BACH2: variants seen among roughly 807,000 people sequenced by gnomAD.
BACH2 encodes transcription regulator protein BACH2.
BACH2 carries 5 observed loss-of-function variants against 61.8 expected under a neutral mutation model. The observed-to-expected ratio is 0.08, with a 90% CI of 0.04 to 0.17. BACH2 has a LOEUF of 0.17. Among genes scored for constraint, BACH2 ranks in the 10% least tolerant of loss-of-function variants. The pLI, the probability that BACH2 is intolerant of heterozygous loss-of-function variation, is 1.00. For missense variants in BACH2, 824 were observed against 1,091.1 expected (o/e 0.76, Z 3.45); for synonymous variants, 446 against 440.1 (o/e 1.01, Z -0.17).
intron 4 of BACH2, among the ~76,000 whole-genome samples, chr6:90,134,624 T>C (rs1024785908): frequency 1.3e-5 from 2 of 152,194 alleles, no homozygotes; most frequent in African/African-American, 4.8e-5. Context: ...CATAGAATAA[T>C]CTGAATGGTG....
chr6:90,070,463 G>A (rs1781171471), intron 5 of BACH2, among the ~76,000 whole-genome samples: 2 of 152,096 alleles, frequency 1.3e-5, no homozygotes, highest in African/African-American at 4.8e-5. Flanking sequence ...GGCCAGATGA[G>A]TGCTGAGTAC....
intron 2 of BACH2, among the ~76,000 whole-genome samples, chr6:90,258,782 G>C (rs1771065332): frequency 1.3e-5 from 2 of 151,946 alleles, no homozygotes; most frequent in African/African-American, 4.8e-5. Context: ...CACATTGGTT[G>C]AATTTATTCC....
chr6:90,245,552 A>G (rs1770606239), intron 3 of BACH2, among the ~76,000 whole-genome samples: 1 of 152,236 alleles, frequency 6.6e-6, no homozygotes, highest in Admixed American at 6.5e-5. Context: ...TGACAGAACG[A>G]GATCCCATCT....
At chr6:90,138,106 CCT>C (rs1324652165) in intron 4 of BACH2, among the ~76,000 whole-genome samples, 4 of 150,170 alleles carry the variant, frequency 2.7e-5, no homozygotes, top group Non-Finnish European at 5.9e-5. Context: ...TCTCTCTCTC[CCT>C]CTCTGATATG....
chr6:89,959,918 T>C (rs1774646086), intron 6 of BACH2, among the ~76,000 whole-genome samples: 1 of 152,196 alleles, frequency 6.6e-6, no homozygotes, highest in South Asian at 2.1e-4. Flanking sequence ...GTGGGAGGCA[T>C]GAAGACGCTG....
At chr6:90,098,965 ATT>A (rs1782499106) in intron 4 of BACH2, among the ~76,000 whole-genome samples, 1 of 152,090 alleles carries the variant, frequency 6.6e-6, no homozygotes, top group African/African-American at 2.4e-5. Flanking sequence ...TTGCTTTTCA[ATT>A]GGCAATCTTG....
intron 4 of BACH2, among the ~76,000 whole-genome samples, chr6:90,150,997 T>A (rs969989522): frequency 5.9e-5 from 9 of 152,142 alleles, no homozygotes; most frequent in African/African-American, 2.2e-4. Flanking sequence ...GAGGGACCTA[T>A]CAATAATTAC....
chr6:90,061,673 AGAG>A (rs1235479519), intron 5 of BACH2, among the ~76,000 whole-genome samples: 1 of 152,134 alleles, frequency 6.6e-6, no homozygotes, highest in East Asian at 1.9e-4. Flanking sequence ...AGAAACTAAC[AGAG>A]GAGGAGACAG....
At chr6:90,219,461 G>A (rs535806697) in intron 3 of BACH2, among the ~76,000 whole-genome samples, 14 of 151,870 alleles carry the variant, frequency 9.2e-5, no homozygotes, top group African/African-American at 3.4e-4. Flanking sequence ...TCTCTTTTCC[G>A]CTCTTCTCTT....
At chr6:90,256,245 C>T (rs980791694) in intron 2 of BACH2, among the ~76,000 whole-genome samples, 1 of 152,178 alleles carries the variant, frequency 6.6e-6, no homozygotes, top group African/African-American at 2.4e-5. Context: ...AGCTGGGCCA[C>T]GTTTTCCAGC....
intron 4 of BACH2, among the ~76,000 whole-genome samples, chr6:90,093,917 A>ACTGCTTTTT (rs1461521252): frequency 6.6e-6 from 1 of 152,218 alleles, no homozygotes; most frequent in Non-Finnish European, 1.5e-5. Flanking sequence ...GCATGAAAGC[A>ACTGCTTTTT]CTGCTTTTTC....
chr6:90,044,379 T>C (rs1779683192), intron 5 of BACH2, among the ~76,000 whole-genome samples: 1 of 152,168 alleles, frequency 6.6e-6, no homozygotes, highest in Admixed American at 6.5e-5. Context: ...CTTGATGCTC[T>C]GATGACTCAA....
intron 6 of BACH2, among the ~76,000 whole-genome samples, chr6:90,004,727 A>G (rs1241341066): frequency 6.6e-6 from 1 of 152,194 alleles, no homozygotes; most frequent in Admixed American, 6.5e-5. Context: ...GACTATAGCT[A>G]AGGAGGTGTC....
At chr6:90,023,114 G>A (rs887924790) in intron 5 of BACH2, among the ~76,000 whole-genome samples, 1 of 152,156 alleles carries the variant, frequency 6.6e-6, no homozygotes, top group African/African-American at 2.4e-5. Flanking sequence ...CAAGACACAG[G>A]ATAATAACAT....
chr6:90,179,193 C>T (rs1434666247), intron 4 of BACH2, among the ~76,000 whole-genome samples: 1 of 151,910 alleles, frequency 6.6e-6, no homozygotes, highest in Non-Finnish European at 1.5e-5. Context: ...TTGGGAGACA[C>T]TCTAGTGTGT....
intron 5 of BACH2, among the ~76,000 whole-genome samples, chr6:90,082,836 T>C (rs1781780563): frequency 6.6e-6 from 1 of 152,202 alleles, no homozygotes; most frequent in Non-Finnish European, 1.5e-5. Flanking sequence ...TCTGACACTT[T>C]CTGTCAAGAA....
intron 4 of BACH2, among the ~76,000 whole-genome samples, chr6:90,148,478 C>T (rs757786278): frequency 6.6e-6 from 1 of 152,162 alleles, no homozygotes; most frequent in African/African-American, 2.4e-5. Context: ...TTTCATAATG[C>T]TCTGCCTTGT....
intron 5 of BACH2, among the ~76,000 whole-genome samples, chr6:90,059,803 T>A (rs576327557): frequency 6.6e-6 from 1 of 151,694 alleles, no homozygotes; most frequent in Non-Finnish European, 1.5e-5. Context: ...CCATAAAAAA[T>A]GATGAGTTCA....
At chr6:90,197,416 G>A (rs1433242623) in intron 4 of BACH2, among the ~76,000 whole-genome samples, 1 of 152,134 alleles carries the variant, frequency 6.6e-6, no homozygotes, top group African/African-American at 2.4e-5. Context: ...CACAGATTAA[G>A]TACCTAAATA....
Sources: allele counts gnomAD v4.1 joint callset (sites outside exome capture counted in the v4.1 genomes callset), GRCh38; gene constraint gnomAD v4.1.1; transcripts MANE v1.5; gene names NCBI Gene and HGNC (gene_info 2026-07-23, HGNC 2026-07-21).